The following LEMD3 variants were observed in gnomAD, a reference collection of about 807,000 sequenced individuals.
The protein encoded by LEMD3 is LEM domain containing 3.
LEMD3 carries 33 observed loss-of-function variants against 95.2 expected under a neutral mutation model. The observed-to-expected ratio is 0.35, with a 90% CI of 0.26 to 0.46. The LOEUF (loss-of-function observed/expected upper bound fraction) is 0.46, where lower values mean the gene tolerates loss of function less well. Among genes scored for constraint, LEMD3 ranks in the 20% least tolerant of loss-of-function variants. LEMD3 has a pLI of 1.00. For synonymous variants in LEMD3, 525 were observed against 474.6 expected, an observed-to-expected ratio of 1.11 and a Z score of -1.38; for missense variants, 1,210 against 1,192.8, an observed-to-expected ratio of 1.01 and a Z score of -0.21.
chr12:65,213,664 T>TA (rs1308901949), intron 2 of LEMD3, among the ~76,000 whole-genome samples: 1 of 152,234 alleles, frequency 6.6e-6, no homozygotes, highest in African/African-American at 2.4e-5. Flanking sequence ...TAAGTGTTGT[T>TA]ACTTCTATTT....
At chr12:65,228,475 A>C (rs1432801610) in intron 4 of LEMD3, among the ~76,000 whole-genome samples, 2 of 151,034 alleles carry the variant, frequency 1.3e-5, no homozygotes, top group Non-Finnish European at 2.9e-5. Flanking sequence ...GGCTCACCGC[A>C]AGCTCTCCTT....
Position 65,216,026 on chromosome 12 carries a change from G to T in LEMD3, c.1610G>T (p.Arg537Leu), listed in dbSNP as rs761447049. ...AACACATTATATAAGCTTCATGATC[G>T]ATTGGCACAGCTTGCAGGTAATTGT... Reference protein sequence around the residue: ...MMNTLYKLHDRLAQLAGDHEC... With the variant: ...MMNTLYKLHDLLAQLAGDHEC... Residue 537 changes from arginine (R) to leucine (L), a missense_variant, in exon 3 of 13, where the codon CGA becomes CTA. Physicochemically the swap from Arg to Leu is moderately radical, Grantham distance 102 (BLOSUM62 -2). Coordinates refer to ENST00000308330, the MANE Select transcript of LEMD3 (RefSeq NM_014319.5). 3.8e-6 allele frequency: 6 copies of T among 1,591,296 alleles called. No homozygotes were observed. The highest frequency in any genetic ancestry group is 3.3e-4 in the Middle Eastern group (2 of 6,014).
chr12:65,193,601 T>C (rs1869312635), intron 1 of LEMD3, among the ~76,000 whole-genome samples: 2 of 152,152 alleles, frequency 1.3e-5, no homozygotes, highest in East Asian at 1.9e-4. Flanking sequence ...ATTGGAAAGC[T>C]GCTGATCACC....
intron 1 of LEMD3, among the ~76,000 whole-genome samples, chr12:65,202,338 G>A (rs1869626910): frequency 6.6e-6 from 1 of 152,006 alleles, no homozygotes; most frequent in Admixed American, 6.6e-5. Flanking sequence ...CCTTTTGTCA[G>A]ATGCTTTTTC....
At chr12:65,214,297 C>G (rs1870035894) in intron 2 of LEMD3, among the ~76,000 whole-genome samples, 1 of 152,120 alleles carries the variant, frequency 6.6e-6, no homozygotes, top group African/African-American at 2.4e-5. Flanking sequence ...ACCCAGCCTA[C>G]TGTTACTTTT....
chr12:65,231,400 A>C (rs1359835537), intron 4 of LEMD3, among the ~76,000 whole-genome samples: 1 of 152,166 alleles, frequency 6.6e-6, no homozygotes, highest in Non-Finnish European at 1.5e-5. Flanking sequence ...ATTAAATAAT[A>C]TTGGCTAGGC....
In LEMD3 at chr12:65,240,945, C is replaced by T; in HGVS notation, c.2163C>T (p.Asp721=). 5 of 1,614,072 alleles carry T rather than the reference C, an allele frequency of 3.1e-6. No homozygotes were observed. Among genetic ancestry groups the T allele is most frequent in the Non-Finnish European group, 4.2e-6 (5 of 1,179,966 alleles). ...KMKKVWDRAV[D]FLAANESRVR... is the part of the protein sequence containing the mutation. ...AGAAAGTCTGGGATAGAGCTGTTGA[C>T]TTCCTTGCTGCTAATGAGTCTAGAG... The change falls in exon 9 of 13, where the codon GAC becomes GAT. Residue 721 remains aspartate, a synonymous_variant. Transcript: ENST00000308330.
chr12:65,180,358 A>T (rs1319863358), intron 1 of LEMD3, among the ~76,000 whole-genome samples: 1 of 149,012 alleles, frequency 6.7e-6, no homozygotes, highest in African/African-American at 2.4e-5. Flanking sequence ...ATTATATATT[A>T]TATATATAGT....
At chr12:65,209,732 A>G (rs1869880337) in intron 1 of LEMD3, among the ~76,000 whole-genome samples, 1 of 152,080 alleles carries the variant, frequency 6.6e-6, no homozygotes, top group Non-Finnish European at 1.5e-5. Context: ...AAAATCCCTT[A>G]TGATGATAAC....
Position 65,238,587 on chromosome 12 carries a change from G to A in LEMD3, c.1775+6G>A. ...GGAAAAGATGTTGGAATAAGGTAAAGGATCTGATTTCCACTTTGACCATTC... is the reference window on the plus strand; with the variant it reads ...GGAAAAGATGTTGGAATAAGGTAAAAGATCTGATTTCCACTTTGACCATTC... On this transcript the variant is annotated splice_donor_region_variant and intron_variant, in intron 5 of 12. Coordinates refer to ENST00000308330, the MANE Select transcript of LEMD3 (RefSeq NM_014319.5). 6 of 1,611,634 alleles carry A rather than the reference G, an allele frequency of 3.7e-6. No individual in the cohort carries two copies. Among genetic ancestry groups the A allele is most frequent in the Non-Finnish European group, 5.1e-6 (6 of 1,177,838 alleles).
intron 1 of LEMD3, among the ~76,000 whole-genome samples, chr12:65,204,980 A>G (rs1343018918): frequency 6.6e-6 from 1 of 152,142 alleles, no homozygotes; most frequent in East Asian, 1.9e-4. Context: ...GGTAATTTAT[A>G]AAGGAAAGAG....
chr12:65,171,116 G>A lies in LEMD3; in HGVS notation c.1520G>A (p.Ser507Asn). 1 of 1,610,476 alleles carries A rather than the reference G, an allele frequency of 6.2e-7. No homozygotes were observed. ...GTGVSEDGELSIENPFGETFG... is the reference protein window; with the variant it reads ...GTGVSEDGELNIENPFGETFG... ...GGAGTATCTGAGGATGGAGAACTCA[G>A]CAGTAAGTATTAAATCCTGTGGGTA... The change falls in exon 1 of 13, where the codon AGC becomes AAC. Residue 507 changes from serine (S) to asparagine (N), a missense_variant and splice_region_variant. By Grantham distance (46) the Ser-to-Asn change is conservative (BLOSUM62 1). This residue lies in a region of LEMD3 where 461 missense variants were observed against 569.8 expected (regional missense o/e 0.81). Coordinates refer to ENST00000308330, the MANE Select transcript of LEMD3 (RefSeq NM_014319.5).
intron 1 of LEMD3, among the ~76,000 whole-genome samples, chr12:65,207,635 G>C (rs2136334005): frequency 6.6e-6 from 1 of 152,196 alleles, no homozygotes; most frequent in South Asian, 2.1e-4. Flanking sequence ...CATGTATACA[G>C]AACAAAAAAT....
intron 4 of LEMD3, among the ~76,000 whole-genome samples, chr12:65,236,588 A>T (rs897067758): frequency 6.6e-6 from 1 of 152,098 alleles, no homozygotes; most frequent in Non-Finnish European, 1.5e-5. Context: ...CAAAAGGGAC[A>T]TAAAGACATA....
intron 4 of LEMD3, among the ~76,000 whole-genome samples, chr12:65,237,286 T>A (rs1433299651): frequency 6.6e-6 from 1 of 152,210 alleles, no homozygotes; most frequent in Non-Finnish European, 1.5e-5. Flanking sequence ...GGTGACTGGA[T>A]TCTTATCTGC....
chr12:65,245,524 C>G (rs1871079365), intron 10 of LEMD3, 145 bp from the exon 11 acceptor site: 1 of 665,582 alleles, frequency 1.5e-6, no homozygotes. Flanking sequence ...TGTTAGTCAA[C>G]AAGCATTTAC....
chr12:65,244,793 C>CA (rs1361964332), intron 10 of LEMD3, among the ~76,000 whole-genome samples: 10 of 151,776 alleles, frequency 6.6e-5, no homozygotes, highest in Non-Finnish European at 1.5e-4. Flanking sequence ...ACAAAAAATA[C>CA]AAAAGAAATT....
chr12:65,180,013 C>T (rs1018558061), intron 1 of LEMD3, among the ~76,000 whole-genome samples: 13 of 152,038 alleles, frequency 8.6e-5, no homozygotes, highest in African/African-American at 2.4e-4. Context: ...GGTGCAATAT[C>T]GGCTCACTGC....
chr12:65,239,383 A>C lies in LEMD3; in HGVS notation c.1922-546A>C, dbSNP rs1870865416. On this transcript the variant is annotated intron_variant, in intron 6 of 12. Transcript: ENST00000308330. ...TGGGAAGCATAGACCCTACCTCTAC[A>C]AAAAAATTTTTAAAATTAGACAGGC... Among the ~76,000 whole-genome samples the C allele has an allele frequency of 3.3e-5, 5 of 152,016 alleles. No individual in the cohort carries two copies. In the South Asian group the frequency reaches 1.0e-3, roughly 32 times the overall value.
Sources: gnomAD v4.1 joint callset for allele counts (sites outside exome capture counted in the v4.1 genomes callset) on GRCh38, gnomAD v4.1.1 for gene constraint, gnomAD v4.1.1 regional missense constraint, MANE v1.5 for transcripts, NCBI Gene and HGNC (gene_info 2026-07-23, HGNC 2026-07-21) for gene names.